FHOD3: variants seen among roughly 807,000 people sequenced by gnomAD.
The protein encoded by FHOD3 is formin homology 2 domain containing 3.
In FHOD3, 90 loss-of-function variants were observed where a neutral mutation model predicts 173.0. That is an observed-to-expected ratio of 0.52 (90% CI 0.44 to 0.62). FHOD3 has a LOEUF of 0.62. Ranked by LOEUF, FHOD3 falls within the 20% of genes least tolerant of loss-of-function variation. The pLI is 0.00. For synonymous variants in FHOD3, 828 were observed against 823.0 expected (o/e 1.01, Z -0.10); for missense variants, 1,945 against 2,034.7 (o/e 0.96, Z 0.85).
At chr18:36,467,036 C>T (rs987912367) in intron 3 of FHOD3, among the ~76,000 whole-genome samples, 1 of 151,928 alleles carries the variant, frequency 6.6e-6, no homozygotes, top group Non-Finnish European at 1.5e-5. Context: ...GATCCCTGCC[C>T]CATCTCAGTT....
chr18:36,600,439 T>C (rs954528222), intron 7 of FHOD3, among the ~76,000 whole-genome samples: 1 of 152,226 alleles, frequency 6.6e-6, no homozygotes, highest in African/African-American at 2.4e-5. Flanking sequence ...AGGCTATTTT[T>C]GTTGAACCAA....
chr18:36,350,439 A>C (rs1253064920), intron 1 of FHOD3, among the ~76,000 whole-genome samples: 1 of 152,112 alleles, frequency 6.6e-6, no homozygotes, highest in Non-Finnish European at 1.5e-5. Flanking sequence ...TAGCCCTGTA[A>C]TGTTATCTTC....
intron 3 of FHOD3, among the ~76,000 whole-genome samples, chr18:36,456,132 T>G (rs1400887460): frequency 6.6e-6 from 1 of 152,146 alleles, no homozygotes; most frequent in Non-Finnish European, 1.5e-5. Flanking sequence ...TCTTTTGTCC[T>G]GCGCACTGAA....
chr18:36,511,728 C>T (rs7243838), intron 4 of FHOD3, among the ~76,000 whole-genome samples: 3,819 of 152,258 alleles, frequency 0.025, 151 homozygotes, highest in African/African-American at 0.087. Flanking sequence ...CTGCCAGTCT[C>T]TGTTGGCTGA....
At chr18:36,707,632 G>GC in intron 17 of FHOD3, among the ~76,000 whole-genome samples, 1 of 152,278 alleles carries the variant, frequency 6.6e-6, no homozygotes, top group South Asian at 2.1e-4. Flanking sequence ...GGTTAGCTGG[G>GC]CCCCCTGCCT....
intron 3 of FHOD3, among the ~76,000 whole-genome samples, chr18:36,497,648 A>T (rs1161731567): frequency 6.6e-6 from 1 of 152,240 alleles, no homozygotes; most frequent in East Asian, 1.9e-4. Context: ...ATACACCAAG[A>T]AGCCACAACA....
intron 3 of FHOD3, among the ~76,000 whole-genome samples, chr18:36,393,480 A>G (rs2048399918): frequency 6.6e-6 from 1 of 151,668 alleles, no homozygotes; most frequent in Admixed American, 6.6e-5. Flanking sequence ...AGCAAAAGAT[A>G]CTCCTAGACA....
chr18:36,570,212 C>T (rs2058405619), intron 5 of FHOD3, among the ~76,000 whole-genome samples: 1 of 151,906 alleles, frequency 6.6e-6, no homozygotes, highest in Admixed American at 6.6e-5. Context: ...GGGGATTAAA[C>T]TTCACTTCAA....
intron 5 of FHOD3, among the ~76,000 whole-genome samples, chr18:36,516,505 G>A (rs1415310704): frequency 1.3e-5 from 2 of 152,214 alleles, no homozygotes; most frequent in Non-Finnish European, 2.9e-5. Context: ...AGGTGTGAGA[G>A]CCCCGTGTGG....
intron 5 of FHOD3, among the ~76,000 whole-genome samples, chr18:36,545,503 C>T (rs183643087): frequency 3.9e-5 from 6 of 152,248 alleles, no homozygotes; most frequent in East Asian, 1.9e-4. Flanking sequence ...TTAAGGCATT[C>T]GAAGCAGTTT....
chr18:36,419,874 G>A (rs1375251522), intron 3 of FHOD3, among the ~76,000 whole-genome samples: 2 of 152,208 alleles, frequency 1.3e-5, no homozygotes, highest in East Asian at 3.9e-4. Context: ...CAGGGAGCTA[G>A]CCTGCTGAGG....
In FHOD3 at chr18:36,602,829, C is replaced by T. The variant is rs1049200440; in HGVS notation, c.813+61C>T. The T allele has an allele frequency of 2.3e-6, 3 of 1,280,574 alleles. No individual in the cohort carries two copies. In the East Asian group the frequency reaches 6.9e-5, roughly 30 times the overall value. The allele number at this position is 1,280,574 out of a possible 1,614,324, so 79.3% of individuals were successfully genotyped here. A position where few individuals can be genotyped will look rare whatever the true frequency, so the allele number is the denominator to read the frequency against. The stretch of plus-strand genomic sequence containing the variant: ...CTAAAAAGATATGTTAAAGCCCTGA[C>T]CCCTGGTATCTGTGCTTGTGGGCTT... On this transcript the variant is annotated intron_variant, in intron 8 of 28. Coordinates refer to ENST00000590592, the MANE Select transcript of FHOD3 (RefSeq NM_001281740.3).
At chr18:36,487,738 C>T (rs566416723) in intron 3 of FHOD3, among the ~76,000 whole-genome samples, 4 of 152,136 alleles carry the variant, frequency 2.6e-5, no homozygotes, top group Non-Finnish European at 5.9e-5. Context: ...GGGGAAGAGA[C>T]CTTATGTTTG....
intron 28 of FHOD3, among the ~76,000 whole-genome samples, chr18:36,774,755 C>G (rs1457730549): frequency 6.6e-6 from 1 of 152,156 alleles, no homozygotes; most frequent in African/African-American, 2.4e-5. Context: ...GTACTATTAA[C>G]CGAACTGTAG....
chr18:36,407,707 G>A (rs759834346), intron 3 of FHOD3, among the ~76,000 whole-genome samples: 12 of 152,168 alleles, frequency 7.9e-5, no homozygotes, highest in Non-Finnish European at 1.3e-4. Context: ...CACCCTACAC[G>A]AATCCATCCA....
intron 19 of FHOD3, among the ~76,000 whole-genome samples, chr18:36,726,120 A>G (rs1600435472): frequency 1.3e-5 from 2 of 150,950 alleles, no homozygotes; most frequent in Admixed American, 1.3e-4. Flanking sequence ...GACAGCCAAT[A>G]TATGTATTAC....
Position 36,512,546 on chromosome 18 carries a change from A to G in FHOD3, c.511+3A>G, listed in dbSNP as rs763682089. 9 of 1,607,802 alleles carry G rather than the reference A, an allele frequency of 5.6e-6. No homozygotes were observed. The highest frequency in any genetic ancestry group is 7.7e-6 in the Non-Finnish European group (9 of 1,174,518). On this transcript the variant is annotated splice_donor_region_variant and intron_variant, in intron 5 of 28. Coordinates refer to ENST00000590592, the MANE Select transcript of FHOD3 (RefSeq NM_001281740.3). ...CTATCAGAACTACATCTTAAGGGGTAAGTCATGACTGGGCATGCAGCAGCT... is the reference window on the plus strand; with the variant it reads ...CTATCAGAACTACATCTTAAGGGGTGAGTCATGACTGGGCATGCAGCAGCT...
intron 3 of FHOD3, among the ~76,000 whole-genome samples, chr18:36,391,775 C>T (rs925166360): frequency 6.6e-6 from 1 of 152,046 alleles, no homozygotes; most frequent in Admixed American, 6.5e-5. Context: ...GATGAGACAC[C>T]TCCTGCCCCT....
intron 3 of FHOD3, among the ~76,000 whole-genome samples, chr18:36,457,288 A>G (rs1397929201): frequency 2.0e-5 from 3 of 152,108 alleles, no homozygotes; most frequent in Admixed American, 6.5e-5. Context: ...TAATAAATGT[A>G]ATATGCTGAA....
Sources: allele counts gnomAD v4.1 joint callset (sites outside exome capture counted in the v4.1 genomes callset), GRCh38; gene constraint gnomAD v4.1.1; transcripts MANE v1.5; gene names NCBI Gene and HGNC (gene_info 2026-07-23, HGNC 2026-07-21).